The following KCNH5 variants were observed in gnomAD, a reference collection of about 807,000 sequenced individuals.
The protein encoded by KCNH5 is potassium voltage-gated channel subfamily H member 5.
KCNH5 carries 46 observed loss-of-function variants against 96.1 expected under a neutral mutation model. The observed-to-expected ratio is 0.48, with a 90% CI of 0.38 to 0.61. KCNH5 has a LOEUF of 0.61. Ranked by LOEUF, KCNH5 falls within the 20% of genes least tolerant of loss-of-function variation. The pLI is 0.00. For missense variants in KCNH5, 907 were observed against 1,225.8 expected, an observed-to-expected ratio of 0.74 and a Z score of 3.88; for synonymous variants, 439 against 449.8, an observed-to-expected ratio of 0.98 and a Z score of 0.30.
chr14:62,708,119 G>C lies in KCNH5; in HGVS notation c.2356C>G (p.Pro786Ala), dbSNP rs1884479398. 6.2e-7 allele frequency: 1 copy of C among 1,614,222 alleles called. No homozygotes were observed. The highest frequency in any genetic ancestry group is 2.2e-5 in the East Asian group (1 of 44,880). ...CATTTTTGGTCAGCACCGCCGTTGG[G>C]CTTGAGTTCCATGGCATCACGGTTG... ...QNNRDAMELK[P>A]NGGADQKCLK... Residue 786 changes from proline to alanine, a missense_variant, in exon 11 of 11, where the codon CCC becomes GCC. By Grantham distance (27) the Pro-to-Ala change is conservative (BLOSUM62 -1). Around this residue, in one of 6 missense-constraint regions of KCNH5, gnomAD observed 362 missense variants for 394.4 expected, o/e 0.92. Transcript: ENST00000322893.
chr14:63,030,323 G>A (rs1207039211), intron 1 of KCNH5, among the ~76,000 whole-genome samples: 2 of 152,222 alleles, frequency 1.3e-5, no homozygotes, highest in East Asian at 3.8e-4. Flanking sequence ...TTCAGAAGCT[G>A]TAATTTCACA....
intron 2 of KCNH5, among the ~76,000 whole-genome samples, chr14:63,010,643 C>G (rs1566540070): frequency 6.6e-6 from 1 of 152,200 alleles, no homozygotes; most frequent in Non-Finnish European, 1.5e-5. Flanking sequence ...ATACCCAGCT[C>G]GCCTAGGCAT....
intron 9 of KCNH5, among the ~76,000 whole-genome samples, chr14:62,790,915 A>G (rs1886420733): frequency 6.6e-6 from 1 of 151,816 alleles, no homozygotes; most frequent in South Asian, 2.1e-4. Context: ...CATGTCATCT[A>G]CAAACAGAGA....
chr14:62,762,786 A>C (rs73271183), intron 10 of KCNH5, among the ~76,000 whole-genome samples: 1,895 of 152,286 alleles, frequency 0.012, 39 homozygotes, highest in African/African-American at 0.043. Context: ...AATAATGAAA[A>C]AGAAAAAGAA....
chr14:62,855,495 C>A (rs1183412929), intron 7 of KCNH5, among the ~76,000 whole-genome samples: 1 of 152,132 alleles, frequency 6.6e-6, no homozygotes, highest in Non-Finnish European at 1.5e-5. Flanking sequence ...TAGCCCTGTG[C>A]AAATTGTAGA....
At chr14:62,952,626 T>G (rs1182962662) in intron 6 of KCNH5, among the ~76,000 whole-genome samples, 1 of 152,224 alleles carries the variant, frequency 6.6e-6, no homozygotes, top group African/African-American at 2.4e-5. Context: ...GTTTAAATAC[T>G]GCATAGAAAA....
intron 7 of KCNH5, among the ~76,000 whole-genome samples, chr14:62,910,057 T>C (rs1889119826): frequency 6.6e-6 from 1 of 151,916 alleles, no homozygotes; most frequent in Non-Finnish European, 1.5e-5. Flanking sequence ...TGTAGGCACT[T>C]GATATTTTTT....
intron 6 of KCNH5, among the ~76,000 whole-genome samples, chr14:62,975,717 T>G (rs1254136461): frequency 6.6e-6 from 1 of 151,386 alleles, no homozygotes; most frequent in Non-Finnish European, 1.5e-5. Context: ...TAAAGGAAAG[T>G]TCAATCAATC....
chr14:62,944,379 G>A (rs1744806968), intron 7 of KCNH5, among the ~76,000 whole-genome samples: 1 of 152,006 alleles, frequency 6.6e-6, no homozygotes, highest in Non-Finnish European at 1.5e-5. Context: ...GAGTTATAAG[G>A]TTACAAGTGG....
At chr14:62,778,526 C>G (rs1013590350) in intron 10 of KCNH5, among the ~76,000 whole-genome samples, 4 of 152,154 alleles carry the variant, frequency 2.6e-5, no homozygotes, top group Non-Finnish European at 4.4e-5. Flanking sequence ...CTCTGAGCTC[C>G]CTAACACATA....
intron 7 of KCNH5, among the ~76,000 whole-genome samples, chr14:62,897,118 A>T (rs1595674863): frequency 1.3e-5 from 2 of 152,198 alleles, no homozygotes; most frequent in South Asian, 4.1e-4. Flanking sequence ...TTATGGTGGG[A>T]GTCCCCTCCT....
chr14:63,004,627 C>T (rs1292433913), intron 3 of KCNH5, among the ~76,000 whole-genome samples: 1 of 152,236 alleles, frequency 6.6e-6, no homozygotes, highest in Non-Finnish European at 1.5e-5. Flanking sequence ...GTTGTCATTA[C>T]AGGGTCTTGC....
chr14:62,814,997 G>A (rs183279217), intron 8 of KCNH5, among the ~76,000 whole-genome samples: 5 of 152,108 alleles, frequency 3.3e-5, no homozygotes, highest in East Asian at 1.9e-4. Context: ...TATATACAGT[G>A]GGTATAGCTC....
intron 4 of KCNH5, among the ~76,000 whole-genome samples, chr14:63,000,333 C>A (rs1594668002): frequency 1.3e-5 from 2 of 152,284 alleles, no homozygotes; most frequent in African/African-American, 4.8e-5. Context: ...AAAACTACTT[C>A]TAAGGTTATT....
At chr14:62,730,022 T>C (rs1885016869) in intron 10 of KCNH5, among the ~76,000 whole-genome samples, 3 of 152,242 alleles carry the variant, frequency 2.0e-5, no homozygotes, top group Non-Finnish European at 4.4e-5. Context: ...ATTTTAGTAG[T>C]GGTCATTTCT....
At chr14:62,785,514 A>G (rs1047341148) in intron 9 of KCNH5, among the ~76,000 whole-genome samples, 12 of 152,224 alleles carry the variant, frequency 7.9e-5, no homozygotes, top group African/African-American at 2.9e-4. Context: ...TCTGCTATAA[A>G]CATTTTAGAG....
At chr14:62,798,721 TTA>T (rs1566663800) in intron 9 of KCNH5, among the ~76,000 whole-genome samples, 2 of 152,222 alleles carry the variant, frequency 1.3e-5, no homozygotes, top group South Asian at 4.1e-4. Context: ...ACTAAATTTT[TTA>T]TCTTTCCATT....
intron 8 of KCNH5, among the ~76,000 whole-genome samples, chr14:62,823,370 CGTT>C (rs1887153509): frequency 6.6e-6 from 1 of 152,062 alleles, no homozygotes; most frequent in Non-Finnish European, 1.5e-5. Flanking sequence ...AAAGCTCATA[CGTT>C]GCCCTGATAT....
chr14:62,821,284 C>T (rs10483756), intron 8 of KCNH5, among the ~76,000 whole-genome samples: 24,852 of 151,836 alleles, frequency 0.16, 2,179 homozygotes, highest in Non-Finnish European at 0.2. Context: ...TCTTAACTAA[C>T]TTTGTATCAA....
Sources: allele counts gnomAD v4.1 joint callset (sites outside exome capture counted in the v4.1 genomes callset), GRCh38; gene constraint gnomAD v4.1.1; regional missense constraint gnomAD v4.1.1; transcripts MANE v1.5; gene names NCBI Gene and HGNC (gene_info 2026-07-23, HGNC 2026-07-21).